PADI6: variants seen among roughly 807,000 people sequenced by gnomAD.
The protein encoded by PADI6 is inactive protein-arginine deiminase type-6.
A neutral mutation model predicts 78.2 loss-of-function variants in PADI6; 66 were observed. That is an observed-to-expected ratio of 0.84 (90% CI 0.69 to 1.04). The LOEUF (loss-of-function observed/expected upper bound fraction) is 1.04, where lower values mean the gene tolerates loss of function less well. Ranked by LOEUF, PADI6 falls within the 50% of genes least tolerant of loss-of-function variation. The pLI, the probability that PADI6 is intolerant of heterozygous loss-of-function variation, is 0.00. For synonymous variants in PADI6, 397 were observed against 346.9 expected (o/e 1.14, Z -1.60); for missense variants, 854 against 866.1 (o/e 0.99, Z 0.18).
At chr1:17,386,143 A>C (rs12071723) in intron 6 of PADI6, among the ~76,000 whole-genome samples, 3,184 of 152,124 alleles carry the variant, frequency 0.021, 126 homozygotes, top group African/African-American at 0.072. Context: ...AGAGGCAGCT[A>C]TTGTGTGTAC....
At position 17,372,938 on chromosome 1, in the gene PADI6, T is replaced by C. The variant is rs962873206; in HGVS notation, c.117-118T>C. ...TAGGAATAAGGACCCCAGACCACTCTGCCTCAACACCCTAAGGAGAATGAG... is the reference window on the plus strand; with the variant it reads ...TAGGAATAAGGACCCCAGACCACTCCGCCTCAACACCCTAAGGAGAATGAG... On this transcript the variant is annotated intron_variant, in intron 1 of 15. Transcript: ENST00000619609. The C allele has an allele frequency of 6.5e-6, 7 of 1,076,130 alleles. No homozygotes were observed. The Admixed American group carries it at 7.5e-5, about 12-fold the overall frequency. 66.7% of individuals were successfully genotyped at this position (1,076,130 alleles called of 1,614,324 possible).
intron 5 of PADI6, among the ~76,000 whole-genome samples, chr1:17,381,557 C>T (rs765780076): frequency 2.6e-5 from 4 of 152,202 alleles, no homozygotes; most frequent in Admixed American, 6.5e-5. Context: ...GGGCCAGGAA[C>T]CTTGGACTGT....
rs762413875 is a variant in PADI6 at position 17,398,778 on chromosome 1, G to A, written c.1782G>A (p.Glu594=). The A allele has an allele frequency of 1.8e-5, 29 of 1,612,112 alleles. No individual in the cohort carries two copies. The highest frequency in any genetic ancestry group is 9.3e-6 in the Non-Finnish European group (11 of 1,179,494). Residue 594 remains glutamate (E), a synonymous_variant, in exon 15 of 16, where the codon GAG becomes GAA. Transcript: ENST00000619609. ...IIEIPQLFCL[E]KLTNIPSDQQ... The stretch of plus-strand genomic sequence containing the variant: ...AGATTCCCCAGCTGTTCTGCTTGGA[G>A]AAGCTGACTAACATCCCCTCTGACC...
intron 3 of PADI6, among the ~76,000 whole-genome samples, chr1:17,377,681 T>G (rs1467123828): frequency 1.3e-5 from 2 of 152,318 alleles, no homozygotes; most frequent in East Asian, 3.9e-4. Context: ...GCAGTCTGAA[T>G]CTTGTGTTAC....
intron 3 of PADI6, among the ~76,000 whole-genome samples, chr1:17,378,304 G>C (rs535161784): frequency 6.6e-6 from 1 of 152,172 alleles, no homozygotes; most frequent in Non-Finnish European, 1.5e-5. Flanking sequence ...TGAGGTCTCC[G>C]TCTTGCACGC....
At chr1:17,390,003 C>CT (rs2075166485) in intron 8 of PADI6, among the ~76,000 whole-genome samples, 1 of 152,064 alleles carries the variant, frequency 6.6e-6, no homozygotes, top group South Asian at 2.1e-4. Context: ...ATGGGAAACA[C>CT]TAATAGGAAA....
intron 6 of PADI6, among the ~76,000 whole-genome samples, chr1:17,386,207 A>G (rs1535875): frequency 0.38 from 58,130 of 151,970 alleles, 11,323 homozygotes; most frequent in African/African-American, 0.42. Context: ...GGGGACAACA[A>G]ATGCCTGCTT....
chr1:17,376,661 GT>G (rs2075020773), intron 3 of PADI6, among the ~76,000 whole-genome samples: 2 of 151,836 alleles, frequency 1.3e-5, no homozygotes, highest in African/African-American at 4.8e-5. Context: ...GCCTCCCAGA[GT>G]GTTGGGATTA....
At chr1:17,393,164 G>A (rs1034184983) in intron 9 of PADI6, among the ~76,000 whole-genome samples, 1 of 151,928 alleles carries the variant, frequency 6.6e-6, no homozygotes, top group Non-Finnish European at 1.5e-5. Flanking sequence ...AAAAAATCTG[G>A]GGTTGTGCTT....
intron 7 of PADI6, 86 bp from the exon 8 acceptor site, chr1:17,388,691 C>T: frequency 6.8e-7 from 1 of 1,474,882 alleles, no homozygotes; most frequent in Non-Finnish European, 9.2e-7. Context: ...CAGCTGGGGG[C>T]CGGACTGAAC....
chr1:17,395,190 CT>C, intron 12 of PADI6, 83 bp downstream of exon 12: 1 of 1,423,826 alleles, frequency 7.0e-7, no homozygotes. Context: ...AGAAAACTGG[CT>C]TTTTCTTGTT....
At chr1:17,381,409 TAAC>T (rs1328221639) in intron 5 of PADI6, among the ~76,000 whole-genome samples, 11 of 152,334 alleles carry the variant, frequency 7.2e-5, no homozygotes, top group African/African-American at 2.4e-4. Context: ...TTGAGCACAC[TAAC>T]TTCCCTGATC....
At chr1:17,379,258 C>T (rs553616419) in intron 3 of PADI6, among the ~76,000 whole-genome samples, 8 of 147,356 alleles carry the variant, frequency 5.4e-5, no homozygotes, top group Admixed American at 2.0e-4. Context: ...GGACTACAGG[C>T]GCCCGCCACC....
chr1:17,384,553 C>T (rs2075102630), intron 6 of PADI6, among the ~76,000 whole-genome samples: 1 of 152,140 alleles, frequency 6.6e-6, no homozygotes, highest in Non-Finnish European at 1.5e-5. Context: ...ACCAGCCTGG[C>T]CAACATGGTT....
rs532555847 is a variant in PADI6 at position 17,401,681 on chromosome 1, G to A, written c.*243G>A. Reference sequence around the variant, plus strand: ...GACGTTTACTAAATAGCCAATAAAGGGCTGGTGGGTGTGAATGCATCTTGG... The same window carrying A: ...GACGTTTACTAAATAGCCAATAAAGAGCTGGTGGGTGTGAATGCATCTTGG... On this transcript the variant is annotated 3_prime_UTR_variant, in exon 16 of 16. Transcript: ENST00000619609. 32 of 507,690 alleles carry A rather than the reference G, an allele frequency of 6.3e-5. No individual in the cohort carries two copies. Among genetic ancestry groups the A allele is most frequent in the Non-Finnish European group, 1.1e-4 (31 of 282,022 alleles). The allele number at this position is 507,690 out of a possible 1,614,324, so 31.4% of individuals were successfully genotyped here. A position where few individuals can be genotyped will look rare whatever the true frequency, so the allele number is the denominator to read the frequency against.
intron 9 of PADI6, among the ~76,000 whole-genome samples, chr1:17,393,414 G>A (rs1557606895): frequency 1.3e-5 from 2 of 152,198 alleles, no homozygotes; most frequent in Non-Finnish European, 2.9e-5. Flanking sequence ...AGTGGCATAG[G>A]GTGGAGACAC....
At chr1:17,382,548 C>T (rs1228346601) in intron 6 of PADI6, among the ~76,000 whole-genome samples, 2 of 152,194 alleles carry the variant, frequency 1.3e-5, no homozygotes, top group Admixed American at 6.5e-5. Flanking sequence ...ACCTGCATCC[C>T]AGCCACCACG....
chr1:17,377,040 A>AT (rs982772691), intron 3 of PADI6, among the ~76,000 whole-genome samples: 3 of 151,980 alleles, frequency 2.0e-5, no homozygotes, highest in African/African-American at 7.3e-5. Flanking sequence ...TACTTGGTTA[A>AT]TTTTTTATAC....
intron 7 of PADI6, 33 bp downstream of exon 7, chr1:17,388,592 A>G: frequency 6.4e-7 from 1 of 1,556,688 alleles, no homozygotes; most frequent in Non-Finnish European, 8.8e-7. Flanking sequence ...TCCTCAGACT[A>G]GGATGCTCCG....
Sources: gnomAD v4.1 joint callset for allele counts (sites outside exome capture counted in the v4.1 genomes callset) on GRCh38, gnomAD v4.1.1 for gene constraint, MANE v1.5 for transcripts, NCBI Gene and HGNC (gene_info 2026-07-23, HGNC 2026-07-21) for gene names.